DLG2: variants seen among roughly 807,000 people sequenced by gnomAD.
The protein encoded by DLG2 is disks large homolog 2.
Under a neutral mutation model 132.5 loss-of-function variants are expected in DLG2, and 45 were observed. That is an observed-to-expected ratio of 0.34 (90% CI 0.27 to 0.44). The LOEUF is 0.44. Ranked by LOEUF, DLG2 falls within the 20% of genes least tolerant of loss-of-function variation. DLG2 has a pLI of 1.00. For synonymous variants in DLG2, 424 were observed against 419.6 expected (o/e 1.01, Z -0.13); for missense variants, 1,045 against 1,196.9 (o/e 0.87, Z 1.87).
intron 6 of DLG2, among the ~76,000 whole-genome samples, chr11:84,758,222 T>C (rs1179917726): frequency 1.3e-5 from 2 of 152,214 alleles, no homozygotes; most frequent in African/African-American, 2.4e-5. Flanking sequence ...AAAATTTTAC[T>C]GTGTGGAGCC....
At chr11:83,520,172 A>G (rs1310165664) in intron 21 of DLG2, among the ~76,000 whole-genome samples, 1 of 152,208 alleles carries the variant, frequency 6.6e-6, no homozygotes, top group Non-Finnish European at 1.5e-5. Flanking sequence ...ATATCTGCAA[A>G]CTTTTTACTT....
intron 3 of DLG2, among the ~76,000 whole-genome samples, chr11:85,396,933 C>T (rs1248071821): frequency 6.6e-6 from 1 of 152,150 alleles, no homozygotes; most frequent in Non-Finnish European, 1.5e-5. Flanking sequence ...GAGAACACCA[C>T]AAAGATACTC....
chr11:85,516,740 T>C (rs183734786), intron 3 of DLG2, among the ~76,000 whole-genome samples: 65 of 151,786 alleles, frequency 4.3e-4, no homozygotes, highest in African/African-American at 1.6e-3. Flanking sequence ...ACAGAAACCC[T>C]AAAAAGACCA....
At chr11:83,672,464 A>T (rs2076994852) in intron 18 of DLG2, among the ~76,000 whole-genome samples, 1 of 152,118 alleles carries the variant, frequency 6.6e-6, no homozygotes, top group African/African-American at 2.4e-5. Context: ...GGTGTGAGCC[A>T]CCGTGCCCGG....
intron 3 of DLG2, among the ~76,000 whole-genome samples, chr11:85,287,853 C>G (rs1008538937): frequency 2.6e-5 from 4 of 151,798 alleles, no homozygotes; most frequent in Non-Finnish European, 5.9e-5. Context: ...AGAAAAATAA[C>G]GTTGGGTGAA....
rs555234174 is a variant in DLG2 at position 84,633,538 on chromosome 11, T to C, written c.358-98807A>G. Reference sequence around the variant, plus strand: ...CTCCTCTTCCCCTATCCCTGGATGATAGGAATCTGTCCTCTGGTCTCCCAC... The same window carrying C: ...CTCCTCTTCCCCTATCCCTGGATGACAGGAATCTGTCCTCTGGTCTCCCAC... On this transcript the variant is annotated intron_variant, in intron 6 of 27. Coordinates refer to ENST00000376104, the MANE Select transcript of DLG2 (RefSeq NM_001142699.3). Among the ~76,000 whole-genome samples, 4 of 152,222 alleles carry C rather than the reference T, an allele frequency of 2.6e-5. No individual in the cohort carries two copies. In the East Asian group the frequency reaches 5.8e-4, roughly 22 times the overall value.
At chr11:85,302,670 C>T (rs943489316) in intron 3 of DLG2, among the ~76,000 whole-genome samples, 1 of 149,220 alleles carries the variant, frequency 6.7e-6, no homozygotes, top group African/African-American at 2.5e-5. Context: ...AAAAAACAGT[C>T]AGTTAGTTGA....
intron 6 of DLG2, among the ~76,000 whole-genome samples, chr11:84,673,382 T>C (rs1295317650): frequency 6.6e-6 from 1 of 152,016 alleles, no homozygotes; most frequent in Non-Finnish European, 1.5e-5. Context: ...TTATAGACTT[T>C]GGATACAGAC....
At chr11:85,253,525 A>G (rs2152700787) in intron 4 of DLG2, among the ~76,000 whole-genome samples, 2 of 152,254 alleles carry the variant, frequency 1.3e-5, no homozygotes, top group South Asian at 4.1e-4. Context: ...GGCACCGACA[A>G]GAGCGAACTA....
intron 7 of DLG2, among the ~76,000 whole-genome samples, chr11:84,363,697 A>G (rs1247547703): frequency 6.6e-6 from 1 of 151,714 alleles, no homozygotes; most frequent in Non-Finnish European, 1.5e-5. Flanking sequence ...ATAAGGTGTA[A>G]GGAAGGGATC....
chr11:84,207,735 G>T (rs1427491963), intron 8 of DLG2, among the ~76,000 whole-genome samples: 2 of 152,006 alleles, frequency 1.3e-5, no homozygotes, highest in Non-Finnish European at 2.9e-5. Flanking sequence ...ATATGCAAAG[G>T]TATTTTAGAA....
At chr11:84,662,022 G>C (rs1341993170) in intron 6 of DLG2, among the ~76,000 whole-genome samples, 1 of 151,828 alleles carries the variant, frequency 6.6e-6, no homozygotes, top group Non-Finnish European at 1.5e-5. Context: ...AATTTCTCTA[G>C]TTTAGAAAGG....
chr11:83,672,500 A>G (rs1385525384), intron 18 of DLG2, among the ~76,000 whole-genome samples: 1 of 151,944 alleles, frequency 6.6e-6, no homozygotes, highest in African/African-American at 2.4e-5. Context: ...TAAACATGCA[A>G]ACTCTGTGAG....
At chr11:83,570,521 C>A (rs2096780372) in intron 19 of DLG2, among the ~76,000 whole-genome samples, 1 of 151,994 alleles carries the variant, frequency 6.6e-6, no homozygotes, top group Non-Finnish European at 1.5e-5. Context: ...TTTCCTTTAT[C>A]ATTTTATTCT....
chr11:85,274,274 C>T (rs1350401102), intron 4 of DLG2, among the ~76,000 whole-genome samples: 1 of 152,022 alleles, frequency 6.6e-6, no homozygotes. Context: ...AAGATTAGGT[C>T]GAGCAGTGCA....
intron 7 of DLG2, among the ~76,000 whole-genome samples, chr11:84,262,741 G>A (rs932032651): frequency 2.0e-5 from 3 of 152,068 alleles, no homozygotes; most frequent in African/African-American, 7.2e-5. Context: ...TGCATCCTCA[G>A]AGCTTAGCTC....
At chr11:83,538,269 C>T (rs1267492817) in intron 20 of DLG2, among the ~76,000 whole-genome samples, 1 of 152,184 alleles carries the variant, frequency 6.6e-6, no homozygotes, top group East Asian at 1.9e-4. Context: ...ACTGCCAAGT[C>T]AGTCCCTTTA....
Position 85,285,487 on chromosome 11 carries a change from A to G in DLG2, c.41-122T>C, listed in dbSNP as rs2078497517. 7 of 830,582 alleles carry G rather than the reference A, an allele frequency of 8.4e-6. No individual in the cohort carries two copies. The East Asian group carries it at 1.8e-4, about 21-fold the overall frequency. The allele number at this position is 830,582 out of a possible 1,614,324, so 51.5% of individuals were successfully genotyped here. A position where few individuals can be genotyped will look rare whatever the true frequency, so the allele number is the denominator to read the frequency against. On this transcript the variant is annotated intron_variant, in intron 3 of 27. Coordinates refer to ENST00000376104, the MANE Select transcript of DLG2 (RefSeq NM_001142699.3). The stretch of plus-strand genomic sequence containing the variant: ...CTGATTAAAAGAACTGCATAAATAT[A>G]TATCCCAAAGTAAAACAGAAGAAAT...
At chr11:84,326,601 A>G (rs1192651077) in intron 7 of DLG2, among the ~76,000 whole-genome samples, 1 of 152,150 alleles carries the variant, frequency 6.6e-6, no homozygotes, top group Non-Finnish European at 1.5e-5. Flanking sequence ...GCATGATTCC[A>G]TCTTCTTAAA....
Sources: gnomAD v4.1 joint callset for allele counts (sites outside exome capture counted in the v4.1 genomes callset) on GRCh38, gnomAD v4.1.1 for gene constraint, MANE v1.5 for transcripts, NCBI Gene and HGNC (gene_info 2026-07-23, HGNC 2026-07-21) for gene names.